Variants in KIAA0586 observed in about 807,000 individuals in gnomAD.
KIAA0586 encodes protein TALPID3.
KIAA0586 carries 144 observed loss-of-function variants against 169.8 expected under a neutral mutation model. That is an observed-to-expected ratio of 0.85 (90% CI 0.74 to 0.97). The LOEUF is 0.97. Ranked by LOEUF, KIAA0586 falls within the 50% of genes least tolerant of loss-of-function variation. The pLI, the probability that KIAA0586 is intolerant of heterozygous loss-of-function variation, is 0.00. For synonymous variants in KIAA0586, 625 were observed against 612.4 expected, an observed-to-expected ratio of 1.02 and a Z score of -0.30; for missense variants, 1,854 against 1,823.0, an observed-to-expected ratio of 1.02 and a Z score of -0.31.
rs1369311999 is a variant in KIAA0586 at position 58,492,202 on chromosome 14, C to T, written c.3917C>T (p.Ala1306Val). 7 of 1,549,868 alleles carry T rather than the reference C, an allele frequency of 4.5e-6. No homozygotes were observed. The highest frequency in any genetic ancestry group is 2.4e-5 in the East Asian group (1 of 40,846). ...VIRMSHKKFHADAILSFAKQN... is the reference protein window; with the variant it reads ...VIRMSHKKFHVDAILSFAKQN... ...AGGATGTCCCATAAAAAATTTCATG[C>T]AGATGCAATTCTTTCTTTTGCTAAA... is the stretch of plus-strand genomic sequence containing the variant. Residue 1306 changes from alanine to valine, a missense_variant, in exon 26 of 31, where the codon GCA becomes GTA. Transcript: ENST00000652326.
chr14:58,435,379 G>A (rs1024388193), intron 4 of KIAA0586, among the ~76,000 whole-genome samples: 5 of 152,054 alleles, frequency 3.3e-5, no homozygotes, highest in Non-Finnish European at 7.4e-5. Context: ...TATTTGTAGG[G>A]TACGTAGTGT....
In KIAA0586 at chr14:58,501,701, G is replaced by T. The variant is rs998274590; in HGVS notation, c.4168+2741G>T. ...CAGAATAGCTAAGAGTTTAGGCTTTGAGAGTTTCAGAAATGGGTTTGAATT... is the reference window on the plus strand; with the variant it reads ...CAGAATAGCTAAGAGTTTAGGCTTTTAGAGTTTCAGAAATGGGTTTGAATT... On this transcript the variant is annotated intron_variant, in intron 27 of 30. Coordinates refer to ENST00000652326, the MANE Select transcript of KIAA0586 (RefSeq NM_001329943.3). Among the ~76,000 whole-genome samples the T allele has an allele frequency of 4.6e-5, 7 of 152,326 alleles. No individual in the cohort carries two copies. The East Asian group carries it at 1.4e-3, about 29-fold the overall frequency.
intron 16 of KIAA0586, among the ~76,000 whole-genome samples, chr14:58,469,989 C>T (rs2041079853): frequency 6.6e-6 from 1 of 151,070 alleles, no homozygotes; most frequent in African/African-American, 2.4e-5. Context: ...TTCCAAGAAT[C>T]TTAAGTATTC....
chr14:58,430,847 T>C, intron 3 of KIAA0586, 130 bp downstream of exon 3: 1 of 578,332 alleles, frequency 1.7e-6, no homozygotes, highest in Admixed American at 3.3e-5. Flanking sequence ...TCACCTTTCA[T>C]ATCCAGAGCT....
chr14:58,547,686 C>A, intron 30 of KIAA0586, 95 bp from the exon 31 acceptor site: 1 of 900,366 alleles, frequency 1.1e-6, no homozygotes. Flanking sequence ...GAATCCGCGC[C>A]CCCCCACCCC....
At chr14:58,471,985 A>G (rs1280709185) in intron 17 of KIAA0586, among the ~76,000 whole-genome samples, 1 of 152,150 alleles carries the variant, frequency 6.6e-6, no homozygotes, top group East Asian at 1.9e-4. Flanking sequence ...AAAACAGCTG[A>G]TTAATTTTTT....
chr14:58,513,062 G>A (rs1244759323), intron 29 of KIAA0586, among the ~76,000 whole-genome samples: 1 of 152,026 alleles, frequency 6.6e-6, no homozygotes, highest in Non-Finnish European at 1.5e-5. Flanking sequence ...ATTACATACT[G>A]TGATATGGAT....
intron 15 of KIAA0586, among the ~76,000 whole-genome samples, chr14:58,467,214 T>C (rs944959964): frequency 1.3e-5 from 2 of 152,226 alleles, no homozygotes; most frequent in African/African-American, 4.8e-5. Context: ...ACTTTACATA[T>C]ATTCTCTCAT....
intron 13 of KIAA0586, 121 bp from the exon 14 acceptor site, chr14:58,460,865 G>C (rs2040262959): frequency 1.7e-6 from 1 of 587,248 alleles, no homozygotes; most frequent in South Asian, 5.6e-5. Flanking sequence ...GAAAACAGAG[G>C]TTATTTTTTA....
the KIAA0586 span, among the ~76,000 whole-genome samples, chr14:58,561,645 T>C: frequency 3.9e-5 from 6 of 152,184 alleles, no homozygotes; most frequent in Non-Finnish European, 7.3e-5. Flanking sequence ...AATTAAGATA[T>C]AGAGAAGTGA....
chr14:58,549,662 G>A lies in KIAA0586; in HGVS notation c.*1730G>A, dbSNP rs2047155374. 1 of 152,172 alleles carries A rather than the reference G, an allele frequency of 6.6e-6. No homozygotes were observed. The highest frequency in any genetic ancestry group is 1.5e-5 in the Non-Finnish European group (1 of 68,050). 9.4% of individuals were successfully genotyped at this position (152,172 alleles called of 1,614,324 possible). ...TTTAAACAAGTGGAAGAAAAATTCT[G>A]CTCTGTGGATTTTAATTTGTTTTTG... On this transcript the variant is annotated 3_prime_UTR_variant, in exon 31 of 31. Coordinates refer to ENST00000652326, the MANE Select transcript of KIAA0586 (RefSeq NM_001329943.3).
At chr14:58,478,668 A>T (rs974004592) in intron 20 of KIAA0586, among the ~76,000 whole-genome samples, 1 of 152,202 alleles carries the variant, frequency 6.6e-6, no homozygotes, top group African/African-American at 2.4e-5. Context: ...TATTAGCCAC[A>T]TAATCATGAG....
At chr14:58,524,484 A>T (rs2045442642) in intron 29 of KIAA0586, among the ~76,000 whole-genome samples, 1 of 152,206 alleles carries the variant, frequency 6.6e-6, no homozygotes, top group African/African-American at 2.4e-5. Flanking sequence ...ACATTAAACT[A>T]GTACCCGTGG....
At chr14:58,496,036 T>C (rs1305223305) in intron 26 of KIAA0586, among the ~76,000 whole-genome samples, 1 of 152,194 alleles carries the variant, frequency 6.6e-6, no homozygotes, top group Non-Finnish European at 1.5e-5. Flanking sequence ...TAAAGGGCTA[T>C]GTAATAAGAA....
At chr14:58,505,478 A>C (rs545153813) in intron 27 of KIAA0586, among the ~76,000 whole-genome samples, 79 of 152,242 alleles carry the variant, frequency 5.2e-4, no homozygotes, top group African/African-American at 1.7e-3. Context: ...CAGTGTATGT[A>C]CTCCTGGGAA....
rs1175704452 is a variant in KIAA0586 at position 58,482,694 on chromosome 14, A to G, written c.3126A>G (p.Thr1042=). ...VATGVSGDAS[T]NETYLPARVC... ...CAGGTGTTTCTGGGGATGCTTCAAC[A>G]AATGAAACATATTTGCCGGTATGGG... Residue 1042 remains threonine (T), a synonymous_variant, in exon 21 of 31, where the codon ACA becomes ACG. Transcript: ENST00000652326. 1 of 1,568,738 alleles carries G rather than the reference A, an allele frequency of 6.4e-7. No individual in the cohort carries two copies. The highest frequency in any genetic ancestry group is 8.6e-7 in the Non-Finnish European group (1 of 1,160,704).
At chr14:58,509,848 A>G (rs1049486704) in intron 28 of KIAA0586, among the ~76,000 whole-genome samples, 2 of 152,042 alleles carry the variant, frequency 1.3e-5, no homozygotes, top group African/African-American at 4.8e-5. Context: ...CTTATCAAAA[A>G]TAAGAACTTC....
chr14:58,484,365 T>C (rs1257861469), intron 21 of KIAA0586, among the ~76,000 whole-genome samples: 2 of 152,122 alleles, frequency 1.3e-5, no homozygotes, highest in Non-Finnish European at 2.9e-5. Flanking sequence ...ATAAAAAATA[T>C]TGTTGAGATT....
intron 29 of KIAA0586, among the ~76,000 whole-genome samples, chr14:58,538,703 C>T (rs1466378124): frequency 6.6e-6 from 1 of 151,186 alleles, no homozygotes; most frequent in African/African-American, 2.4e-5. Context: ...ACCCATTAAC[C>T]ATTCCCACTT....
Sources: allele counts gnomAD v4.1 joint callset (sites outside exome capture counted in the v4.1 genomes callset), GRCh38; gene constraint gnomAD v4.1.1; transcripts MANE v1.5; gene names NCBI Gene and HGNC (gene_info 2026-07-23, HGNC 2026-07-21).